Variants in B3GALT1 observed in about 807,000 individuals in gnomAD.
B3GALT1 encodes the protein beta-1,3-galactosyltransferase 1.
Under a neutral mutation model 23.2 loss-of-function variants are expected in B3GALT1, and 10 were observed. The ratio of observed to expected loss-of-function variants is 0.43; its 90% CI spans 0.27 to 0.73. B3GALT1 has a LOEUF of 0.73. Ranked by LOEUF, B3GALT1 falls within the 30% of genes least tolerant of loss-of-function variation. B3GALT1 has a pLI of 0.21. For synonymous variants in B3GALT1, 156 were observed against 141.5 expected (o/e 1.10, Z -0.73); for missense variants, 299 against 405.4 (o/e 0.74, Z 2.25).
At chr2:167,638,260 G>A (rs1304721966) in intron 2 of B3GALT1, among the ~76,000 whole-genome samples, 1 of 152,020 alleles carries the variant, frequency 6.6e-6, no homozygotes, top group East Asian at 1.9e-4. Context: ...GCTATTGTAT[G>A]ATATTGAAAC....
intron 2 of B3GALT1, among the ~76,000 whole-genome samples, chr2:167,491,751 C>A (rs1168185912): frequency 6.6e-6 from 1 of 151,120 alleles, no homozygotes; most frequent in Non-Finnish European, 1.5e-5. Context: ...GGAGGCGGAG[C>A]TTGCAGTGAG....
chr2:167,410,959 A>G (rs1043891839), intron 1 of B3GALT1, among the ~76,000 whole-genome samples: 1 of 152,112 alleles, frequency 6.6e-6, no homozygotes, highest in African/African-American at 2.4e-5. Context: ...GATGCTATAC[A>G]AATGTATTTT....
chr2:167,316,666 A>G (rs1696724723), intron 1 of B3GALT1, among the ~76,000 whole-genome samples: 1 of 152,126 alleles, frequency 6.6e-6, no homozygotes, highest in Non-Finnish European at 1.5e-5. Context: ...AAGATGAGAT[A>G]AGTCTGAGGC....
Position 167,869,531 on chromosome 2 carries a change from C to T in B3GALT1, c.492C>T (p.Ala164=), listed in dbSNP as rs770743864. The stretch of plus-strand genomic sequence containing the variant: ...CATTAATGGGGATGAGATGGGTGGC[C>T]ACTTTTTGTTCAAAAGCCAAGTATG... ...LKTLMGMRWV[A]TFCSKAKYVM... The change falls in exon 5 of 5, where the codon GCC becomes GCT. Residue 164 remains alanine (A), a synonymous_variant. Coordinates refer to ENST00000392690, the MANE Select transcript of B3GALT1 (RefSeq NM_020981.4). This position sits in a 1 kb window ranked among gnomAD's most constrained non-coding sequence, Gnocchi z 6.4. The T allele has an allele frequency of 6.2e-6, 10 of 1,613,958 alleles. No homozygotes were observed. In the South Asian group the frequency reaches 1.1e-4, roughly 18 times the overall value.
chr2:167,683,240 C>CTTCT lies in B3GALT1; in HGVS notation c.-352+36277_-352+36280dup, dbSNP rs1005974813. Among the ~76,000 whole-genome samples, 19 of 152,210 alleles carry CTTCT rather than the reference C, an allele frequency of 1.2e-4. No homozygotes were observed. The South Asian group carries it at 3.3e-3, about 27-fold the overall frequency. ...GTACAGTACTTCCTGGATATCTGTA[C>CTTCT]TTCTTTATATTACAGGGTGGCAGTA... On this transcript the variant is annotated intron_variant, in intron 3 of 4. Transcript: ENST00000392690.
At chr2:167,510,407 GT>G (rs35191590) in intron 2 of B3GALT1, among the ~76,000 whole-genome samples, 6,753 of 111,028 alleles carry the variant, frequency 0.061, 264 homozygotes, top group African/African-American at 0.15. Context: ...TGCAAGTTTT[GT>G]TTTTTTTTTT....
At chr2:167,652,351 C>G (rs929593482) in intron 3 of B3GALT1, among the ~76,000 whole-genome samples, 2 of 152,160 alleles carry the variant, frequency 1.3e-5, no homozygotes, top group Non-Finnish European at 2.9e-5. Flanking sequence ...TGAATTCTAG[C>G]TCTGCCACTA....
intron 2 of B3GALT1, among the ~76,000 whole-genome samples, chr2:167,532,854 C>CTTTT (rs1173819982): frequency 3.4e-4 from 33 of 96,418 alleles, no homozygotes; most frequent in South Asian, 3.5e-4. Context: ...TTTACTGCAT[C>CTTTT]TTTTTTTTTT....
chr2:167,673,270 G>T (rs1407805168), intron 3 of B3GALT1, among the ~76,000 whole-genome samples: 2 of 152,092 alleles, frequency 1.3e-5, no homozygotes, highest in African/African-American at 2.4e-5. Flanking sequence ...TCACCTTGTT[G>T]TGAGTCATAA....
intron 2 of B3GALT1, among the ~76,000 whole-genome samples, chr2:167,597,757 T>G (rs1684806119): frequency 6.6e-6 from 1 of 152,194 alleles, no homozygotes; most frequent in Non-Finnish European, 1.5e-5. Flanking sequence ...TTTGTAGATG[T>G]AGATATAGAT....
chr2:167,364,338 AGT>A (rs1491249471), intron 1 of B3GALT1, among the ~76,000 whole-genome samples: 7,814 of 149,616 alleles, frequency 0.052, 243 homozygotes, highest in East Asian at 0.12. Context: ...ATATATATAT[AGT>A]TTTTTTTTTC....
chr2:167,421,515 C>T (rs1916745), intron 1 of B3GALT1, among the ~76,000 whole-genome samples: 141,415 of 152,276 alleles, frequency 0.93, 66,213 homozygotes, highest in Non-Finnish European at 0.99. Flanking sequence ...TCAAATCCTT[C>T]GTGAAGGAGC....
At chr2:167,304,032 T>G (rs909500613) in intron 1 of B3GALT1, among the ~76,000 whole-genome samples, 4 of 152,110 alleles carry the variant, frequency 2.6e-5, no homozygotes, top group African/African-American at 9.7e-5. Context: ...TTCCATACCT[T>G]CCCATCCCAA....
At chr2:167,349,378 C>A (rs1000733166) in intron 1 of B3GALT1, among the ~76,000 whole-genome samples, 4 of 152,102 alleles carry the variant, frequency 2.6e-5, no homozygotes, top group African/African-American at 9.7e-5. Flanking sequence ...TTCAAGTAAC[C>A]TTTATTTTAC....
At chr2:167,522,090 TG>T (rs1700199050) in intron 2 of B3GALT1, among the ~76,000 whole-genome samples, 1 of 150,608 alleles carries the variant, frequency 6.6e-6, no homozygotes, top group African/African-American at 2.4e-5. Context: ...TAGGAATTAC[TG>T]ATATGGCCAT....
At chr2:167,609,726 C>A (rs186593813) in intron 2 of B3GALT1, among the ~76,000 whole-genome samples, 1 of 152,216 alleles carries the variant, frequency 6.6e-6, no homozygotes, top group East Asian at 1.9e-4. Context: ...GGGTCACTGG[C>A]AAAGAGGATG....
At position 167,317,227 on chromosome 2, in the gene B3GALT1, G is replaced by A. The variant is rs529480251; in HGVS notation, c.-511+23893G>A. ...TTTCAGCATTGATTGAAACATAAAT[G>A]AACATTGCAGACAATGTTACAGGAT... On this transcript the variant is annotated intron_variant, in intron 1 of 4. Coordinates refer to ENST00000392690, the MANE Select transcript of B3GALT1 (RefSeq NM_020981.4). Among the ~76,000 whole-genome samples, 46 of 152,246 alleles carry A rather than the reference G, an allele frequency of 3.0e-4. 1 individual carries two copies. Among genetic ancestry groups the A allele is most frequent in the Non-Finnish European group, 5.7e-4 (39 of 68,004 alleles).
intron 2 of B3GALT1, among the ~76,000 whole-genome samples, chr2:167,567,629 G>C (rs988225705): frequency 1.3e-5 from 2 of 152,060 alleles, no homozygotes; most frequent in Admixed American, 1.3e-4. Context: ...AAGGTACAGA[G>C]ATTTGCCATG....
intron 2 of B3GALT1, among the ~76,000 whole-genome samples, chr2:167,504,125 A>G (rs1030086446): frequency 6.0e-5 from 9 of 151,254 alleles, no homozygotes; most frequent in African/African-American, 1.9e-4. Context: ...ATTGCTACCA[A>G]TCATGAAGAA....
Sources: allele counts gnomAD v4.1 joint callset (sites outside exome capture counted in the v4.1 genomes callset), GRCh38; gene constraint gnomAD v4.1.1; non-coding constraint Gnocchi (gnomAD v3.1); transcripts MANE v1.5; gene names NCBI Gene and HGNC (gene_info 2026-07-23, HGNC 2026-07-21).